MDN1: variants seen among roughly 807,000 people sequenced by gnomAD.
MDN1 encodes the protein midasin AAA ATPase 1, also known as midasin.
A neutral mutation model predicts 669.2 loss-of-function variants in MDN1; 266 were observed. The observed-to-expected ratio is 0.40, with a 90% CI of 0.36 to 0.44. The LOEUF is 0.44. Among genes scored for constraint, MDN1 ranks in the 20% least tolerant of loss-of-function variants. The probability of loss-of-function intolerance (pLI) is 1.00; values close to 1 mark genes in which losing one functional copy is unlikely to be tolerated. For synonymous variants in MDN1, 2,385 were observed against 2,457.1 expected (o/e 0.97, Z 0.87); for missense variants, 5,940 against 6,754.0 (o/e 0.88, Z 4.22).
At position 89,695,772 on chromosome 6, in the gene MDN1, G is replaced by A. The variant is rs1812696286; in HGVS notation, c.9604C>T (p.His3202Tyr). Reference sequence around the variant, plus strand: ...CTCTCCCCTTCACCAACAAAGTGGTGCAGGGAGGTGAGCAACTGGCAGAGC... The same window carrying A: ...CTCTCCCCTTCACCAACAAAGTGGTACAGGGAGGTGAGCAACTGGCAGAGC... ...ELLCQLLTSL[H>Y]HFVGEGESKR... Residue 3202 changes from histidine (H) to tyrosine (Y), a missense_variant, in exon 61 of 102, where the codon CAC becomes TAC. Around this residue, in one of 5 missense-constraint regions of MDN1, gnomAD observed 2,292 missense variants for 2,638.3 expected, o/e 0.87. Coordinates refer to ENST00000369393, the MANE Select transcript of MDN1 (RefSeq NM_014611.3). The surrounding 1 kb of genome is among the most constrained non-coding windows in gnomAD (Gnocchi z 4.1). 1.2e-6 allele frequency: 2 copies of A among 1,613,692 alleles called. No individual in the cohort carries two copies. Among genetic ancestry groups the A allele is most frequent in the Non-Finnish European group, 1.7e-6 (2 of 1,179,966 alleles).
intron 9 of MDN1, among the ~76,000 whole-genome samples, chr6:89,782,604 A>AAATAATAATAAT (rs58697438): frequency 1.4e-5 from 2 of 144,202 alleles, no homozygotes; most frequent in South Asian, 4.5e-4. Flanking sequence ...TTTCCTCAAA[A>AAATAATAATAAT]AATAATAATA....
At chr6:89,719,335 G>C in intron 40 of MDN1, 110 bp from the exon 41 acceptor site, 1 of 811,032 alleles carries the variant, frequency 1.2e-6, no homozygotes, top group Non-Finnish European at 2.1e-6. Context: ...AAAAACACTG[G>C]CCACAATTCC....
Position 89,743,648 on chromosome 6 carries a change from G to A in MDN1, c.4245C>T (p.Ser1415=), listed in dbSNP as rs1816414326. 1.2e-6 allele frequency: 2 copies of A among 1,614,118 alleles called. No individual in the cohort carries two copies. Among genetic ancestry groups the A allele is most frequent in the African/African-American group, 2.7e-5 (2 of 75,062 alleles). Residue 1415 remains serine, a synonymous_variant, in exon 30 of 102, where the codon AGC becomes AGT. Transcript: ENST00000369393. Reference sequence around the variant, plus strand: ...CTGATGTCTCCATGTGTAAGTGGCAGCTGACAGAGTATAATTTCTGATTTG... The same window carrying A: ...CTGATGTCTCCATGTGTAAGTGGCAACTGACAGAGTATAATTTCTGATTTG... ...ALANQKLYSV[S]CHLHMETSDF... is the part of the protein sequence containing the mutation.
At chr6:89,688,921 G>A (rs1230952936) in intron 65 of MDN1, 113 bp from the exon 66 acceptor site, 2 of 846,062 alleles carry the variant, frequency 2.4e-6, no homozygotes, top group East Asian at 5.3e-5. Context: ...TGTAATCCCA[G>A]CACTTTGGGG....
chr6:89,700,773 C>T lies in MDN1; in HGVS notation c.8511G>A (p.Gly2837=). The change falls in exon 56 of 102, where the codon GGG becomes GGA. Residue 2837 remains glycine (G), a synonymous_variant. Transcript: ENST00000369393. ...LAIREQMSAL[G]ESGWQEDINR... is the part of the protein sequence containing the mutation. The stretch of plus-strand genomic sequence containing the variant: ...TAATGTCTTCCTGCCATCCACTCTC[C>T]CCAAGGGCAGACATCTGCTCCCTGA... 1 of 1,614,146 alleles carries T rather than the reference C, an allele frequency of 6.2e-7. No homozygotes were observed. The highest frequency in any genetic ancestry group is 1.1e-5 in the South Asian group (1 of 91,074).
intron 1 of MDN1, among the ~76,000 whole-genome samples, chr6:89,804,772 C>T (rs1041035901): frequency 7.2e-5 from 11 of 152,180 alleles, no homozygotes; most frequent in African/African-American, 2.7e-4. Flanking sequence ...TGGCTCACGC[C>T]TGTAATCCCA....
At chr6:89,776,828 G>A (rs750986096) in intron 11 of MDN1, 133 bp from the exon 12 acceptor site, 9 of 609,212 alleles carry the variant, frequency 1.5e-5, no homozygotes, top group Admixed American at 1.1e-4. Flanking sequence ...TGAAGGGAGT[G>A]CAAATAAGGT....
At chr6:89,678,886 T>C (rs1171220420) in intron 74 of MDN1, 141 bp from the exon 75 acceptor site, 4 of 823,958 alleles carry the variant, frequency 4.9e-6, no homozygotes, top group Middle Eastern at 3.8e-4. Flanking sequence ...GTACTTAACA[T>C]AGTCCCTAGC....
In MDN1 at chr6:89,708,476, G is replaced by C. The variant is rs1562120473; in HGVS notation, c.7898+20C>G. ...AAGCCAGTGAGGCAAACAGTGCCCAGAGCAGCAGGTTTCACTTACTTGTTT... is the reference window on the plus strand; with the variant it reads ...AAGCCAGTGAGGCAAACAGTGCCCACAGCAGCAGGTTTCACTTACTTGTTT... On this transcript the variant is annotated intron_variant, in intron 51 of 101. Transcript: ENST00000369393. 1.2e-6 allele frequency: 2 copies of C among 1,613,612 alleles called. No individual in the cohort carries two copies. Among genetic ancestry groups the C allele is most frequent in the African/African-American group, 1.3e-5 (1 of 75,012 alleles).
At position 89,681,080 on chromosome 6, in the gene MDN1, T is replaced by C. The variant is rs550590971; in HGVS notation, c.12103-329A>G. Among the ~76,000 whole-genome samples, 12 of 152,308 alleles carry C rather than the reference T, an allele frequency of 7.9e-5. No homozygotes were observed. The East Asian group carries it at 1.3e-3, about 17-fold the overall frequency. Reference sequence around the variant, plus strand: ...GCTGCCCTTAAGGTGCTGAGCCACATTGTGTTTCTCAGACACAGCAGCCAG... The same window carrying C: ...GCTGCCCTTAAGGTGCTGAGCCACACTGTGTTTCTCAGACACAGCAGCCAG... On this transcript the variant is annotated intron_variant, in intron 73 of 101. Transcript: ENST00000369393.
At chr6:89,736,273 G>A (rs1026064108) in intron 33 of MDN1, among the ~76,000 whole-genome samples, 3 of 152,180 alleles carry the variant, frequency 2.0e-5, no homozygotes, top group African/African-American at 4.8e-5. Flanking sequence ...TTAAGGACAA[G>A]GTGTGGGCTC....
intron 2 of MDN1, among the ~76,000 whole-genome samples, chr6:89,796,344 A>C (rs1377211626): frequency 3.3e-4 from 44 of 132,332 alleles, no homozygotes; most frequent in South Asian, 9.5e-4. Flanking sequence ...AAAAAAAAAA[A>C]AAAAAACAAA....
Position 89,653,246 on chromosome 6 carries a change from T to C in MDN1, c.15662-91A>G, listed in dbSNP as rs200059511. 7.2e-6 allele frequency: 9 copies of C among 1,241,632 alleles called. No individual in the cohort carries two copies. The East Asian group carries it at 1.9e-4, about 26-fold the overall frequency. 76.9% of individuals were successfully genotyped at this position (1,241,632 alleles called of 1,614,324 possible). A position where few individuals can be genotyped will look rare whatever the true frequency, so the allele number is the denominator to read the frequency against. On this transcript the variant is annotated intron_variant, in intron 93 of 101. Coordinates refer to ENST00000369393, the MANE Select transcript of MDN1 (RefSeq NM_014611.3). ...ATTGCCTGTTAATCCTGAAAATTAA[T>C]CAAACTTCATTCATTCACTCTCCAA...
Position 89,706,458 on chromosome 6 carries a change from G to A in MDN1, c.8015-266C>T, listed in dbSNP as rs570721848. On this transcript the variant is annotated intron_variant, in intron 52 of 101. Transcript: ENST00000369393. ...GCATATACATAATGAGGTATCTTGG[G>A]GAAACACATAGTCCAAATTTTCTAT... 5.3e-4 allele frequency among the ~76,000 whole-genome samples: 81 copies of A among 151,880 alleles called. 1 individual carries two copies. The Middle Eastern group carries it at 0.01, about 19-fold the overall frequency.
chr6:89,818,593 C>A (rs1159012866), intron 1 of MDN1, among the ~76,000 whole-genome samples: 1 of 151,898 alleles, frequency 6.6e-6, no homozygotes, highest in Non-Finnish European at 1.5e-5. Flanking sequence ...GGGTGGATCA[C>A]GAGGTCAAGA....
chr6:89,690,581 GAGAT>G (rs1331916159), intron 64 of MDN1, 88 bp downstream of exon 64: 2 of 1,465,126 alleles, frequency 1.4e-6, no homozygotes, highest in Non-Finnish European at 1.9e-6. Flanking sequence ...TACAGAGAGA[GAGAT>G]AAAGAGGAAG....
chr6:89,727,803 C>T (rs1488734768), intron 37 of MDN1, 30 bp downstream of exon 37: 11 of 1,611,558 alleles, frequency 6.8e-6, no homozygotes, highest in African/African-American at 1.3e-5. Flanking sequence ...ACATGATCAC[C>T]GTCTTGGGCA....
At chr6:89,760,976 C>T (rs921027433) in intron 17 of MDN1, among the ~76,000 whole-genome samples, 7 of 151,988 alleles carry the variant, frequency 4.6e-5, no homozygotes, top group Admixed American at 3.3e-4. Flanking sequence ...CTGGCTAACA[C>T]GGTGAAACCC....
At chr6:89,669,495 A>G (rs1466315986) in intron 83 of MDN1, among the ~76,000 whole-genome samples, 1 of 152,120 alleles carries the variant, frequency 6.6e-6, no homozygotes, top group Non-Finnish European at 1.5e-5. Context: ...TCTTTCCAGT[A>G]TTTCAGAGAC....
Sources: gnomAD v4.1 joint callset for allele counts (sites outside exome capture counted in the v4.1 genomes callset) on GRCh38, gnomAD v4.1.1 for gene constraint, gnomAD v4.1.1 regional missense constraint, Gnocchi (gnomAD v3.1) non-coding constraint, MANE v1.5 for transcripts, NCBI Gene and HGNC (gene_info 2026-07-23, HGNC 2026-07-21) for gene names.